The following TNR variants were observed in gnomAD, a reference collection of about 807,000 sequenced individuals.
TNR encodes the protein tenascin-R.
TNR carries 45 observed loss-of-function variants against 150.4 expected under a neutral mutation model. That is an observed-to-expected ratio of 0.30 (90% CI 0.24 to 0.38). The LOEUF (loss-of-function observed/expected upper bound fraction) is 0.38, where lower values mean the gene tolerates loss of function less well. TNR is among the 10% of genes least tolerant of loss of function. TNR has a pLI of 1.00. For missense variants in TNR, 1,544 were observed against 1,759.1 expected (o/e 0.88, Z 2.19); for synonymous variants, 687 against 678.4 (o/e 1.01, Z -0.20).
chr1:175,580,409 T>A (rs551690290), intron 1 of TNR, among the ~76,000 whole-genome samples: 1 of 152,304 alleles, frequency 6.6e-6, no homozygotes, highest in South Asian at 2.1e-4. Flanking sequence ...TGATTAACTT[T>A]TTACAGAGAT....
rs55823465 is a variant in TNR at position 175,627,865 on chromosome 1, A to G, written c.-164-99496T>C. Among the ~76,000 whole-genome samples the G allele has an allele frequency of 3.3e-5, 5 of 152,136 alleles. No individual in the cohort carries two copies. In the East Asian group the frequency reaches 7.8e-4, roughly 24 times the overall value. ...GAGGAAGCTGCAAATTTCTAAGAAG[A>G]CTTTGGCCTTTACCATAATAGCCAC... On this transcript the variant is annotated intron_variant, in intron 1 of 22. Transcript: ENST00000367674.
intron 1 of TNR, among the ~76,000 whole-genome samples, chr1:175,717,215 T>C (rs148549847): frequency 6.6e-6 from 1 of 152,330 alleles, no homozygotes; most frequent in African/African-American, 2.4e-5. Flanking sequence ...GATATGTTTT[T>C]TAAAATCTCG....
At chr1:175,652,563 G>A (rs1486489843) in intron 1 of TNR, among the ~76,000 whole-genome samples, 2 of 152,142 alleles carry the variant, frequency 1.3e-5, no homozygotes, top group African/African-American at 2.4e-5. Context: ...TCATGAGGGT[G>A]GACTTCCCCC....
intron 2 of TNR, among the ~76,000 whole-genome samples, chr1:175,426,830 A>T (rs1215562612): frequency 9.2e-6 from 1 of 108,370 alleles, no homozygotes; most frequent in Non-Finnish European, 1.8e-5. Flanking sequence ...ATATATATAA[A>T]ATATATTATA....
intron 1 of TNR, among the ~76,000 whole-genome samples, chr1:175,665,432 A>C (rs1665508042): frequency 6.6e-6 from 1 of 152,108 alleles, no homozygotes; most frequent in African/African-American, 2.4e-5. Context: ...GGGTGTGTGA[A>C]GAGGAGGAGG....
At chr1:175,477,199 G>C (rs1410855066) in intron 2 of TNR, among the ~76,000 whole-genome samples, 2 of 152,146 alleles carry the variant, frequency 1.3e-5, no homozygotes, top group Non-Finnish European at 2.9e-5. Flanking sequence ...TATAGACATT[G>C]TATAGTTATT....
chr1:175,363,578 A>G (rs546497094), intron 13 of TNR, 130 bp downstream of exon 13: 2 of 1,273,158 alleles, frequency 1.6e-6, no homozygotes, highest in African/African-American at 3.0e-5. Flanking sequence ...GCCCACTCTC[A>G]TTCTGATGCA....
At chr1:175,649,895 G>A (rs1664904427) in intron 1 of TNR, among the ~76,000 whole-genome samples, 1 of 152,168 alleles carries the variant, frequency 6.6e-6, no homozygotes, top group African/African-American at 2.4e-5. Context: ...CTTTGCAAGT[G>A]ATGTTTCCTC....
intron 1 of TNR, among the ~76,000 whole-genome samples, chr1:175,668,266 C>T (rs72725497): frequency 0.067 from 10,241 of 152,248 alleles, 447 homozygotes; most frequent in East Asian, 0.12. Context: ...GTGTGAGAGA[C>T]ACAGGGGGAG....
At chr1:175,642,673 T>G (rs957739088) in intron 1 of TNR, among the ~76,000 whole-genome samples, 3 of 152,186 alleles carry the variant, frequency 2.0e-5, no homozygotes, top group African/African-American at 2.4e-5. Context: ...GTCTCACACC[T>G]GTAATCCCAG....
chr1:175,600,182 T>G (rs945478634), intron 1 of TNR, among the ~76,000 whole-genome samples: 15 of 152,168 alleles, frequency 9.9e-5, no homozygotes, highest in African/African-American at 3.6e-4. Context: ...ATTTGTACAA[T>G]GGAGATAATA....
chr1:175,634,384 G>A (rs1664428048), intron 1 of TNR, among the ~76,000 whole-genome samples: 1 of 152,162 alleles, frequency 6.6e-6, no homozygotes, highest in Non-Finnish European at 1.5e-5. Flanking sequence ...CTCACCTGTG[G>A]ATAACTCTGC....
chr1:175,365,739 T>C (rs1027281342), intron 11 of TNR, 136 bp downstream of exon 11: 12 of 1,315,900 alleles, frequency 9.1e-6, no homozygotes, highest in South Asian at 4.5e-5. Flanking sequence ...TATTAGTTTT[T>C]ACTCTATCCT....
intron 1 of TNR, among the ~76,000 whole-genome samples, chr1:175,641,148 T>C (rs1664645188): frequency 6.6e-6 from 1 of 152,102 alleles, no homozygotes; most frequent in Non-Finnish European, 1.5e-5. Flanking sequence ...ATTGGTTAAA[T>C]AAAAATAAAG....
chr1:175,473,977 A>C lies in TNR; in HGVS notation c.-64+54292T>G, dbSNP rs367601213. 3.3e-5 allele frequency among the ~76,000 whole-genome samples: 5 copies of C among 152,286 alleles called. No homozygotes were observed. In the East Asian group the frequency reaches 9.7e-4, roughly 29 times the overall value. ...TGTCAGTGCACAAGCCGTTCTGTGG[A>C]AGCAAGGCAGAGGGGTATCATTTTA... On this transcript the variant is annotated intron_variant, in intron 2 of 22. Transcript: ENST00000367674.
intron 2 of TNR, among the ~76,000 whole-genome samples, chr1:175,448,936 G>T (rs562891531): frequency 1.3e-5 from 2 of 152,312 alleles, no homozygotes; most frequent in Admixed American, 6.5e-5. Context: ...GGTCAATGTT[G>T]TTCACTTTGG....
chr1:175,419,942 C>G (rs1400183800), intron 2 of TNR, among the ~76,000 whole-genome samples: 1 of 152,202 alleles, frequency 6.6e-6, no homozygotes, highest in African/African-American at 2.4e-5. Flanking sequence ...CAGCAGGCTA[C>G]CTTGCCCTGG....
chr1:175,347,749 A>G (rs1650865629), intron 18 of TNR, among the ~76,000 whole-genome samples: 1 of 152,038 alleles, frequency 6.6e-6, no homozygotes, highest in Non-Finnish European at 1.5e-5. Context: ...ATTTAAATTT[A>G]CATTTTAATT....
At chr1:175,643,653 G>C (rs1464903053) in intron 1 of TNR, among the ~76,000 whole-genome samples, 5 of 152,220 alleles carry the variant, frequency 3.3e-5, no homozygotes, top group Non-Finnish European at 7.3e-5. Context: ...AGAGCCTAGA[G>C]AACTTTTAAT....
Sources: gnomAD v4.1 joint callset for allele counts (sites outside exome capture counted in the v4.1 genomes callset) on GRCh38, gnomAD v4.1.1 for gene constraint, MANE v1.5 for transcripts, NCBI Gene and HGNC (gene_info 2026-07-23, HGNC 2026-07-21) for gene names.